Variants in OCA2 observed in about 807,000 individuals in gnomAD.
OCA2 encodes the protein OCA2 melanosomal transmembrane protein.
A neutral mutation model predicts 100.2 loss-of-function variants in OCA2; 77 were observed. The ratio of observed to expected loss-of-function variants is 0.77; its 90% CI spans 0.64 to 0.93. OCA2 has a LOEUF of 0.93. Ranked by LOEUF, OCA2 falls within the 40% of genes least tolerant of loss-of-function variation. OCA2 has a pLI of 0.00. For missense variants in OCA2, 1,062 were observed against 1,089.1 expected (o/e 0.98, Z 0.35); for synonymous variants, 432 against 439.2 (o/e 0.98, Z 0.21).
At chr15:27,926,784 T>C (rs1477813146) in intron 18 of OCA2, among the ~76,000 whole-genome samples, 2 of 151,954 alleles carry the variant, frequency 1.3e-5, no homozygotes, top group Admixed American at 1.3e-4. Flanking sequence ...AGTTAACTTT[T>C]TCTATTTTTA....
At position 27,887,855 on chromosome 15, in the gene OCA2, GATT is replaced by G. The variant is rs560803265; in HGVS notation, c.2080-15936_2080-15934del. On this transcript the variant is annotated intron_variant, in intron 19 of 23. Transcript: ENST00000354638. ...GGGAACATGTCCCCCTGTCAAGTAAGATTAATAAAAGCTCTGCCAGCAAAGGTA... is the reference window on the plus strand; with the variant it reads ...GGGAACATGTCCCCCTGTCAAGTAAGAATAAAAGCTCTGCCAGCAAAGGTA... 2.9e-4 allele frequency among the ~76,000 whole-genome samples: 44 copies of G among 151,268 alleles called. No homozygotes were observed. The East Asian group carries it at 6.7e-3, about 23-fold the overall frequency.
Position 28,041,309 on chromosome 15 carries a change from C to A in OCA2, c.228-9146G>T, listed in dbSNP as rs982008207. 2.4e-5 allele frequency among the ~76,000 whole-genome samples: 3 copies of A among 125,748 alleles called. No homozygotes were observed. The East Asian group carries it at 9.6e-4, about 40-fold the overall frequency. The allele number at this position is 125,748 out of a possible 152,430, so 82.5% of individuals were successfully genotyped here. A position where few individuals can be genotyped will look rare whatever the true frequency, so the allele number is the denominator to read the frequency against. ...GAAAAACATTTGACAAAGTTCAACA[C>A]CCTTTCATGATTAAAAAAAAAAAAA... On this transcript the variant is annotated intron_variant, in intron 2 of 23. Transcript: ENST00000354638.
downstream of OCA2, among the ~76,000 whole-genome samples, chr15:27,754,615 C>A (rs2030199667): frequency 6.6e-6 from 1 of 152,292 alleles, no homozygotes; most frequent in African/African-American, 2.4e-5. Context: ...TAAACACCGA[C>A]TGAGCCACAG....
At chr15:27,910,042 A>T (rs1283224784) in intron 19 of OCA2, among the ~76,000 whole-genome samples, 1 of 152,192 alleles carries the variant, frequency 6.6e-6, no homozygotes, top group African/African-American at 2.4e-5. Context: ...GAAAAACAGG[A>T]CACTGACATG....
In OCA2 at chr15:27,791,618, T is replaced by C. The variant is rs1268392165; in HGVS notation, c.2433-36146A>G. On this transcript the variant is annotated intron_variant, in intron 23 of 23. Transcript: ENST00000354638. ...GGATTCTTCAACATTCACAGGGCTCTACAGCACATGACTGAATTTTACTGC... is the reference window on the plus strand; with the variant it reads ...GGATTCTTCAACATTCACAGGGCTCCACAGCACATGACTGAATTTTACTGC... Among the ~76,000 whole-genome samples, 3 of 152,196 alleles carry C rather than the reference T, an allele frequency of 2.0e-5. No homozygotes were observed. In the East Asian group the frequency reaches 5.8e-4, roughly 29 times the overall value.
chr15:28,017,060 G>A (rs1298708999), intron 7 of OCA2, among the ~76,000 whole-genome samples: 6 of 149,842 alleles, frequency 4.0e-5, no homozygotes, highest in Non-Finnish European at 4.5e-5. Context: ...GCAGCCTGGG[G>A]AGCGGGGGGC....
intron 19 of OCA2, among the ~76,000 whole-genome samples, chr15:27,875,646 C>CTA (rs2036759469): frequency 6.6e-6 from 1 of 152,046 alleles, no homozygotes; most frequent in South Asian, 2.1e-4. Context: ...TATGGACAGA[C>CTA]TATATCTCTT....
In OCA2 at chr15:28,052,812, A is replaced by G. The variant is rs190938328; in HGVS notation, c.228-20649T>C. On this transcript the variant is annotated intron_variant, in intron 2 of 23. Coordinates refer to ENST00000354638, the MANE Select transcript of OCA2 (RefSeq NM_000275.3). ...TCTGTATTTTATCAGAATGTTACCA[A>G]TAATTCCTCAATGGGTACTGGCCCA... Among the ~76,000 whole-genome samples, 74 of 152,340 alleles carry G rather than the reference A, an allele frequency of 4.9e-4. No individual in the cohort carries two copies. In the East Asian group the frequency reaches 9.7e-3, roughly 20 times the overall value.
intron 23 of OCA2, among the ~76,000 whole-genome samples, chr15:27,828,013 G>C (rs2034800785): frequency 6.6e-6 from 1 of 152,116 alleles, no homozygotes; most frequent in Admixed American, 6.6e-5. Context: ...GCTTCATCTT[G>C]TGACGATTTT....
At chr15:27,912,314 A>C (rs1279987098) in intron 19 of OCA2, among the ~76,000 whole-genome samples, 1 of 152,210 alleles carries the variant, frequency 6.6e-6, no homozygotes, top group Non-Finnish European at 1.5e-5. Context: ...CCATTCCCCA[A>C]TACAAGGAAT....
downstream of OCA2, among the ~76,000 whole-genome samples, chr15:27,749,957 T>A (rs568020138): frequency 6.6e-6 from 1 of 152,300 alleles, no homozygotes; most frequent in East Asian, 1.9e-4. Flanking sequence ...TCAGGTCAAG[T>A]TTTTTAAAAT....
At chr15:28,047,583 A>G (rs1172988318) in intron 2 of OCA2, among the ~76,000 whole-genome samples, 1 of 152,228 alleles carries the variant, frequency 6.6e-6, no homozygotes, top group Non-Finnish European at 1.5e-5. Context: ...AAAATTACCC[A>G]GAAAACTAGG....
intron 23 of OCA2, among the ~76,000 whole-genome samples, chr15:27,799,856 G>A (rs748383627): frequency 5.9e-5 from 9 of 152,196 alleles, no homozygotes; most frequent in East Asian, 1.9e-4. Flanking sequence ...AACAGCCAAC[G>A]AAGACCCCAC....
chr15:27,720,353 A>G, the OCA2 span, among the ~76,000 whole-genome samples: 1 of 151,034 alleles, frequency 6.6e-6, no homozygotes, highest in Non-Finnish European at 1.5e-5. Flanking sequence ...GGCAGAACAA[A>G]CAAGCGTCAC....
At chr15:27,787,442 C>T (rs1286655630) in intron 23 of OCA2, among the ~76,000 whole-genome samples, 1 of 151,936 alleles carries the variant, frequency 6.6e-6, no homozygotes, top group East Asian at 1.9e-4. Context: ...AAGACTCTTC[C>T]TATTTTCTAG....
intron 23 of OCA2, among the ~76,000 whole-genome samples, chr15:27,799,664 G>A (rs940411298): frequency 2.0e-5 from 3 of 151,788 alleles, no homozygotes; most frequent in African/African-American, 7.3e-5. Context: ...AGAATTGCTT[G>A]AACCTGGGAG....
At chr15:27,742,004 G>A in the OCA2 span, among the ~76,000 whole-genome samples, 109 of 152,144 alleles carry the variant, frequency 7.2e-4, 1 homozygote, top group East Asian at 9.5e-3. Context: ...TCCTCCTCTT[G>A]ACATTTTCTT....
intron 2 of OCA2, among the ~76,000 whole-genome samples, chr15:28,060,292 T>C (rs1228497989): frequency 1.3e-5 from 2 of 152,212 alleles, no homozygotes; most frequent in Non-Finnish European, 2.9e-5. Flanking sequence ...CACTGCAGGC[T>C]GGGATGTGCT....
intron 23 of OCA2, among the ~76,000 whole-genome samples, chr15:27,812,718 C>T (rs2034127497): frequency 6.6e-6 from 1 of 152,052 alleles, no homozygotes; most frequent in African/African-American, 2.4e-5. Flanking sequence ...AAGAGAGCCC[C>T]CTTTTGCTTA....
Sources: allele counts gnomAD v4.1 joint callset (sites outside exome capture counted in the v4.1 genomes callset), GRCh38; gene constraint gnomAD v4.1.1; transcripts MANE v1.5; gene names NCBI Gene and HGNC (gene_info 2026-07-23, HGNC 2026-07-21).